RBAK: variants seen among roughly 807,000 people sequenced by gnomAD.
RBAK encodes the protein RB associated KRAB zinc finger, also known as RB-associated KRAB zinc finger protein.
RBAK carries 39 observed loss-of-function variants against 65.8 expected under a neutral mutation model. The observed-to-expected ratio is 0.59, with a 90% CI of 0.46 to 0.77. RBAK has a LOEUF of 0.77. Among genes scored for constraint, RBAK ranks in the 30% least tolerant of loss-of-function variants. RBAK has a pLI of 0.00. For synonymous variants in RBAK, 343 were observed against 289.7 expected, an observed-to-expected ratio of 1.18 and a Z score of -1.87; for missense variants, 884 against 855.1, an observed-to-expected ratio of 1.03 and a Z score of -0.42.
Position 5,065,390 on chromosome 7 carries a change from A to G in RBAK, c.1934A>G (p.His645Arg), listed in dbSNP as rs1277760222. Reference protein sequence around the residue: ...MSNLTVHYRSHSGEKPYECNE... With the variant: ...MSNLTVHYRSRSGEKPYECNE... ...AACCTCACTGTCCACTACAGAAGCC[A>G]TTCAGGAGAGAAACCCTATGAATGT... The change falls in exon 5 of 5, where the codon CAT (histidine) becomes CGT (arginine). Residue 645 changes from histidine (H) to arginine (R), a missense_variant. By Grantham distance (29) the His-to-Arg change is conservative (BLOSUM62 0). Coordinates refer to ENST00000396912, the MANE Select transcript of RBAK (RefSeq NM_021163.4). The surrounding 1 kb of genome is among the most constrained non-coding windows in gnomAD (Gnocchi z 5.3). The G allele has an allele frequency of 6.2e-7, 1 of 1,613,778 alleles. No individual in the cohort carries two copies. The highest frequency in any genetic ancestry group is 1.1e-5 in the South Asian group (1 of 91,008).
At chr7:5,057,197 T>C in intron 2 of RBAK, 98 bp from the exon 3 acceptor site, 1 of 1,582,180 alleles carries the variant, frequency 6.3e-7, no homozygotes, top group Non-Finnish European at 8.6e-7. Flanking sequence ...AAATAAGGTA[T>C]ACAATGTTTA....
intron 2 of RBAK, among the ~76,000 whole-genome samples, chr7:5,053,182 ACTTT>A (rs1258066758): frequency 6.6e-6 from 1 of 152,124 alleles, no homozygotes; most frequent in South Asian, 2.1e-4. Context: ...TGCCTCAAGG[ACTTT>A]CTTTAACATT....
chr7:5,054,577 C>A (rs773495480), intron 2 of RBAK, among the ~76,000 whole-genome samples: 7 of 152,004 alleles, frequency 4.6e-5, no homozygotes, highest in South Asian at 2.1e-4. Flanking sequence ...ATGTCTCTCT[C>A]TATATATATT....
intron 2 of RBAK, among the ~76,000 whole-genome samples, chr7:5,051,776 A>G (rs1324979536): frequency 6.6e-6 from 1 of 152,212 alleles, no homozygotes; most frequent in African/African-American, 2.4e-5. Flanking sequence ...TTTGTCTGGA[A>G]CACTACATGG....
chr7:5,047,965 C>T (rs1370499208), intron 1 of RBAK, 68 bp from the exon 2 acceptor site: 70 of 778,912 alleles, frequency 9.0e-5, no homozygotes, highest in Middle Eastern at 4.0e-4. Flanking sequence ...GTGGTTCTTA[C>T]GCAGGAGATT....
At chr7:5,063,477 C>CTG (rs71535175) in intron 4 of RBAK, among the ~76,000 whole-genome samples, 14,171 of 147,182 alleles carry the variant, frequency 0.096, 687 homozygotes, top group African/African-American at 0.12. Flanking sequence ...AATTCTTTCA[C>CTG]TGTGTGTGTG....
chr7:5,055,441 A>G (rs939444249), intron 2 of RBAK, among the ~76,000 whole-genome samples: 10 of 151,608 alleles, frequency 6.6e-5, no homozygotes, highest in East Asian at 3.9e-4. Context: ...ATCAGTTTCT[A>G]TTTTCTTTAG....
At chr7:5,056,780 A>C (rs1433359047) in intron 2 of RBAK, among the ~76,000 whole-genome samples, 1 of 152,126 alleles carries the variant, frequency 6.6e-6, no homozygotes, top group Non-Finnish European at 1.5e-5. Context: ...ACTAGGTGAG[A>C]GCCCCAGAGC....
intron 4 of RBAK, among the ~76,000 whole-genome samples, chr7:5,060,151 C>T (rs555551128): frequency 1.3e-5 from 2 of 152,284 alleles, no homozygotes; most frequent in African/African-American, 4.8e-5. Context: ...TATAGTCCTC[C>T]AAAGAGGAAA....
chr7:5,051,571 T>C (rs773324967), intron 2 of RBAK, among the ~76,000 whole-genome samples: 1 of 152,204 alleles, frequency 6.6e-6, no homozygotes, highest in Non-Finnish European at 1.5e-5. Context: ...TTATAGCAAT[T>C]TTTAATTTTT....
rs116330864 is a variant in RBAK at position 5,049,397 on chromosome 7, G to A, written c.15+1306G>A. On this transcript the variant is annotated intron_variant, in intron 2 of 4. Coordinates refer to ENST00000396912, the MANE Select transcript of RBAK (RefSeq NM_021163.4). ...AAATATTTGTTCGTCTTTCAGTTTG[G>A]GTTGCACAGCAAACAATACAGTTAC... 1.2e-4 allele frequency among the ~76,000 whole-genome samples: 19 copies of A among 152,242 alleles called. No homozygotes were observed. The South Asian group carries it at 1.7e-3, about 13-fold the overall frequency.
intron 4 of RBAK, 80 bp from the exon 5 acceptor site, chr7:5,063,614 TG>T: frequency 8.8e-7 from 1 of 1,133,864 alleles, no homozygotes; most frequent in Non-Finnish European, 1.2e-6. Flanking sequence ...AACCCCACAA[TG>T]GGGGCTCTTG....
chr7:5,063,526 A>G (rs2115044443), intron 4 of RBAK, among the ~76,000 whole-genome samples, 169 bp from the exon 5 acceptor site: 1 of 128,102 alleles, frequency 7.8e-6, no homozygotes, highest in Admixed American at 8.1e-5. Flanking sequence ...TCTGTTTTGT[A>G]TTCCAAACCA....
At position 5,065,655 on chromosome 7, in the gene RBAK, C is replaced by A. The variant is rs946898066; in HGVS notation, c.*54C>A. ...CTGAATATAATGAATATGGGGAATC[C>A]AATAGGAAGTCAAAGCGTTTATCTG... is the stretch of plus-strand genomic sequence containing the variant. On this transcript the variant is annotated 3_prime_UTR_variant, in exon 5 of 5. Coordinates refer to ENST00000396912, the MANE Select transcript of RBAK (RefSeq NM_021163.4). This position sits in a 1 kb window ranked among gnomAD's most constrained non-coding sequence, Gnocchi z 5.3. 7 of 1,289,884 alleles carry A rather than the reference C, an allele frequency of 5.4e-6. No individual in the cohort carries two copies. Among genetic ancestry groups the A allele is most frequent in the Middle Eastern group, 2.3e-4 (1 of 4,288 alleles). 79.9% of individuals were successfully genotyped at this position (1,289,884 alleles called of 1,614,324 possible).
intron 2 of RBAK, among the ~76,000 whole-genome samples, chr7:5,056,089 G>A (rs1292042867): frequency 4.6e-5 from 7 of 150,848 alleles, no homozygotes; most frequent in Admixed American, 2.0e-4. Flanking sequence ...TGGAGCCCAG[G>A]AGTTTTGCAT....
Position 5,064,088 on chromosome 7 carries a change from T to A in RBAK, c.632T>A (p.Met211Lys), listed in dbSNP as rs1779153619. ...AAACCCTTTGAATATAATGAATGCA[T>A]GGAAGCCTTAGACAATGAGGCTGTT... ...LEKPFEYNEC[M>K]EALDNEAVFI... Residue 211 changes from methionine to lysine, a missense_variant, in exon 5 of 5, where the codon ATG becomes AAG. Met to Lys is a moderately conservative substitution (Grantham distance 95). Transcript: ENST00000396912. The surrounding 1 kb of genome is among the most constrained non-coding windows in gnomAD (Gnocchi z 6.3). 6 of 1,613,952 alleles carry A rather than the reference T, an allele frequency of 3.7e-6. No individual in the cohort carries two copies. The East Asian group carries it at 1.3e-4, about 36-fold the overall frequency.
intron 2 of RBAK, among the ~76,000 whole-genome samples, chr7:5,056,216 TC>T (rs1223476474): frequency 6.7e-6 from 1 of 149,288 alleles, no homozygotes; most frequent in Non-Finnish European, 1.5e-5. Context: ...CAAGTGATCC[TC>T]CTGCCTTAGC....
chr7:5,050,523 G>A (rs1233616993), intron 2 of RBAK, among the ~76,000 whole-genome samples: 1 of 152,076 alleles, frequency 6.6e-6, no homozygotes. Flanking sequence ...CATTAGGGGA[G>A]GCAAAATGGT....
In RBAK at chr7:5,064,488, C is replaced by G; in HGVS notation, c.1032C>G (p.Pro344=). The change falls in exon 5 of 5, where the codon CCC becomes CCG. Residue 344 remains proline, a synonymous_variant. Transcript: ENST00000396912. The surrounding 1 kb of genome is among the most constrained non-coding windows in gnomAD (Gnocchi z 6.3). ...TAAGAACTCATTCAGGAGAGAAACC[C>G]TACGAATGTAGCGAATGTGGGAAAA... The part of the protein sequence containing the change: ...QHLRTHSGEK[P]YECSECGKTF... 1 of 1,613,964 alleles carries G rather than the reference C, an allele frequency of 6.2e-7. No individual in the cohort carries two copies. The highest frequency in any genetic ancestry group is 2.2e-5 in the East Asian group (1 of 44,878).
Sources: gnomAD v4.1 joint callset for allele counts (sites outside exome capture counted in the v4.1 genomes callset) on GRCh38, gnomAD v4.1.1 for gene constraint, Gnocchi (gnomAD v3.1) non-coding constraint, MANE v1.5 for transcripts, NCBI Gene and HGNC (gene_info 2026-07-23, HGNC 2026-07-21) for gene names.